FTO: variants seen among roughly 807,000 people sequenced by gnomAD.
The protein encoded by FTO is FTO alpha-ketoglutarate dependent dioxygenase.
In FTO, 47 loss-of-function variants were observed where a neutral mutation model predicts 63.9. The observed-to-expected ratio is 0.74, with a 90% confidence interval of 0.58 to 0.94. FTO has a LOEUF of 0.94. Among genes scored for constraint, FTO ranks in the 40% least tolerant of loss-of-function variants. The probability of loss-of-function intolerance (pLI) is 0.00; values close to 1 mark genes in which losing one functional copy is unlikely to be tolerated. For synonymous variants in FTO, 207 were observed against 224.4 expected, an observed-to-expected ratio of 0.92 and a Z score of 0.69; for missense variants, 562 against 618.1, an observed-to-expected ratio of 0.91 and a Z score of 0.96.
At chr16:53,725,552 A>G (rs1015151472) in intron 1 of FTO, among the ~76,000 whole-genome samples, 3 of 152,212 alleles carry the variant, frequency 2.0e-5, no homozygotes, top group African/African-American at 7.2e-5. Context: ...ACATGCTCAT[A>G]TAGTACTTAA....
chr16:53,852,101 C>CAAAAAAAAAAAAAAAA lies in FTO; in HGVS notation c.895+7807_895+7822dup, dbSNP rs57004473. 8.3e-4 allele frequency among the ~76,000 whole-genome samples: 45 copies of CAAAAAAAAAAAAAAAA among 54,434 alleles called. 4 individuals are homozygous for CAAAAAAAAAAAAAAAA. The highest frequency in any genetic ancestry group is 1.8e-3 in the African/African-American group (31 of 16,916). 35.7% of individuals were successfully genotyped at this position (54,434 alleles called of 152,430 possible). A position where few individuals can be genotyped will look rare whatever the true frequency, so the allele number is the denominator to read the frequency against. ...CAAAACTCTGTCTCTACAAAAAATA[C>CAAAAAAAAAAAAAAAA]AAAAAAAAAAAAAAAAAAAGCCAGG... On this transcript the variant is annotated intron_variant, in intron 4 of 8. Coordinates refer to ENST00000471389, the MANE Select transcript of FTO (RefSeq NM_001080432.3).
intron 5 of FTO, among the ~76,000 whole-genome samples, chr16:53,874,794 G>A (rs1335489114): frequency 6.6e-6 from 1 of 152,172 alleles, no homozygotes; most frequent in African/African-American, 2.4e-5. Flanking sequence ...CAAGATGCCA[G>A]CAAGCCCATC....
rs941132763 is a variant in FTO at position 53,831,468 on chromosome 16, A to G, written c.751+4977A>G. On this transcript the variant is annotated intron_variant, in intron 3 of 8. Coordinates refer to ENST00000471389, the MANE Select transcript of FTO (RefSeq NM_001080432.3). ...ACAAGAAGACCAAAGGGGGGGAAAAAACTTATTTGATCTACAAAGTTACAT... is the reference window on the plus strand; with the variant it reads ...ACAAGAAGACCAAAGGGGGGGAAAAGACTTATTTGATCTACAAAGTTACAT... 5.9e-5 allele frequency among the ~76,000 whole-genome samples: 9 copies of G among 152,286 alleles called. 1 individual carries two copies. Among genetic ancestry groups the G allele is most frequent in the Admixed American group, 3.3e-4 (5 of 15,298 alleles).
intron 8 of FTO, among the ~76,000 whole-genome samples, chr16:54,107,420 T>G (rs1324169073): frequency 1.3e-5 from 2 of 152,222 alleles, no homozygotes; most frequent in African/African-American, 4.8e-5. Flanking sequence ...AAAATTGGCT[T>G]ATTTTCATGC....
At position 53,981,025 on chromosome 16, in the gene FTO, A is replaced by G. The variant is rs565447628; in HGVS notation, c.1364+46916A>G. The stretch of plus-strand genomic sequence containing the variant: ...TTTTGACCCAACAAGCCATTATTAA[A>G]TTTGGAGAGAAATTTTTGCCTGGGA... On this transcript the variant is annotated intron_variant, in intron 8 of 8. Transcript: ENST00000471389. Among the ~76,000 whole-genome samples, 5 of 152,322 alleles carry G rather than the reference A, an allele frequency of 3.3e-5. No homozygotes were observed. In the South Asian group the frequency reaches 1.0e-3, roughly 32 times the overall value.
chr16:53,774,990 A>G (rs537262216), intron 1 of FTO, among the ~76,000 whole-genome samples: 1 of 152,190 alleles, frequency 6.6e-6, no homozygotes, highest in Non-Finnish European at 1.5e-5. Flanking sequence ...CCTCCATTTT[A>G]TTTTTGACTT....
chr16:54,043,500 T>A (rs1276281786), intron 8 of FTO, among the ~76,000 whole-genome samples: 1 of 15,820 alleles, frequency 6.3e-5, no homozygotes, highest in Non-Finnish European at 8.1e-5. Flanking sequence ...CTGAAAGTGA[T>A]GTGGAGAATG....
chr16:53,830,367 G>A (rs1344401685), intron 3 of FTO, among the ~76,000 whole-genome samples: 1 of 152,112 alleles, frequency 6.6e-6, no homozygotes, highest in Non-Finnish European at 1.5e-5. Context: ...GAACTTTAGC[G>A]GGGAAGGCAT....
At chr16:53,737,699 A>G (rs985224429) in intron 1 of FTO, among the ~76,000 whole-genome samples, 1 of 152,148 alleles carries the variant, frequency 6.6e-6, no homozygotes, top group Admixed American at 6.5e-5. Flanking sequence ...TTGCCTGTAT[A>G]GTGCCCTCTT....
intron 7 of FTO, among the ~76,000 whole-genome samples, chr16:53,923,622 T>C (rs980596934): frequency 6.6e-6 from 1 of 152,116 alleles, no homozygotes; most frequent in Non-Finnish European, 1.5e-5. Context: ...GCAGCTGGCT[T>C]CTATAAACAA....
intron 4 of FTO, among the ~76,000 whole-genome samples, chr16:53,853,513 A>T (rs1264565366): frequency 3.3e-5 from 5 of 150,592 alleles, no homozygotes. Flanking sequence ...CCATTGTACC[A>T]CTCTCTACAC....
In FTO at chr16:53,737,956, CT is replaced by C. The variant is rs142804622; in HGVS notation, c.45+33735del. Among the ~76,000 whole-genome samples, 10 of 149,982 alleles carry C rather than the reference CT, an allele frequency of 6.7e-5. No individual in the cohort carries two copies. In the South Asian group the frequency reaches 1.9e-3, roughly 29 times the overall value. On this transcript the variant is annotated intron_variant, in intron 1 of 8. Transcript: ENST00000471389. ...TGTAGAATGTATAAGTTCTTTCTTT[CT>C]TTTTTTTCTTTTTTGAGACAAGGTT...
intron 8 of FTO, among the ~76,000 whole-genome samples, chr16:53,950,131 GA>G (rs200840818): frequency 0.075 from 3,172 of 42,262 alleles, 168 homozygotes; most frequent in African/African-American, 0.24. Flanking sequence ...CATTTGGCAG[GA>G]AAAAAAAAGA....
chr16:53,961,440 G>T (rs575994960), intron 8 of FTO, among the ~76,000 whole-genome samples: 1 of 152,170 alleles, frequency 6.6e-6, no homozygotes, highest in East Asian at 1.9e-4. Flanking sequence ...TGCACCTGAA[G>T]TTTTTCTTTA....
intron 8 of FTO, among the ~76,000 whole-genome samples, chr16:54,095,281 C>T (rs1349982476): frequency 1.3e-5 from 2 of 152,124 alleles, no homozygotes; most frequent in Non-Finnish European, 1.5e-5. Context: ...CTTAAGGGAG[C>T]CTTCTGCCTT....
chr16:54,058,815 AAAAT>A (rs577461841), intron 8 of FTO, among the ~76,000 whole-genome samples: 1 of 152,164 alleles, frequency 6.6e-6, no homozygotes, highest in African/African-American at 2.4e-5. Flanking sequence ...CTCTCTTTAA[AAAAT>A]AAATAAATAA....
intron 8 of FTO, among the ~76,000 whole-genome samples, chr16:53,941,068 A>G (rs1175312489): frequency 6.6e-6 from 1 of 152,252 alleles, no homozygotes; most frequent in Non-Finnish European, 1.5e-5. Flanking sequence ...AGTTACTTAT[A>G]TGGATCAACT....
intron 8 of FTO, among the ~76,000 whole-genome samples, chr16:54,077,713 G>C (rs973778875): frequency 3.3e-5 from 5 of 152,084 alleles, no homozygotes; most frequent in African/African-American, 1.2e-4. Context: ...AGGAAAGAAT[G>C]GTGAGCTGAA....
At chr16:54,019,987 CA>C (rs2084550575) in intron 8 of FTO, among the ~76,000 whole-genome samples, 1 of 151,918 alleles carries the variant, frequency 6.6e-6, no homozygotes, top group African/African-American at 2.4e-5. Context: ...ATTACTGCCT[CA>C]AAAAAATTTG....
Sources: gnomAD v4.1 joint callset for allele counts (sites outside exome capture counted in the v4.1 genomes callset) on GRCh38, gnomAD v4.1.1 for gene constraint, MANE v1.5 for transcripts, NCBI Gene and HGNC (gene_info 2026-07-23, HGNC 2026-07-21) for gene names.